The following PRKAR1B variants were observed in gnomAD, a reference collection of about 807,000 sequenced individuals.
The protein encoded by PRKAR1B is cAMP-dependent protein kinase type I-beta regulatory subunit.
In PRKAR1B, 22 loss-of-function variants were observed where a neutral mutation model predicts 46.5. The observed-to-expected ratio is 0.47, with a 90% CI of 0.34 to 0.68. The LOEUF is 0.68. Among genes scored for constraint, PRKAR1B ranks in the 30% least tolerant of loss-of-function variants. The pLI, the probability that PRKAR1B is intolerant of heterozygous loss-of-function variation, is 0.01. For synonymous variants in PRKAR1B, 259 were observed against 217.7 expected, an observed-to-expected ratio of 1.19 and a Z score of -1.67; for missense variants, 445 against 535.6, an observed-to-expected ratio of 0.83 and a Z score of 1.67.
chr7:727,029 C>A lies in PRKAR1B; in HGVS notation c.-23+181G>T, dbSNP rs997734153. On this transcript the variant is annotated intron_variant, in intron 1 of 10. Transcript: ENST00000537384. ...TGGCAGTGCACCTGCTGGATCTGGG[C>A]CTGCGCCGCGCCGCGCGGCCCCGCG... is the stretch of plus-strand genomic sequence containing the variant. 3 of 1,150,054 alleles carry A rather than the reference C, an allele frequency of 2.6e-6. No individual in the cohort carries two copies. Among genetic ancestry groups the A allele is most frequent in the East Asian group, 8.5e-5 (2 of 23,464 alleles). 71.2% of individuals were successfully genotyped at this position (1,150,054 alleles called of 1,614,324 possible). A position where few individuals can be genotyped will look rare whatever the true frequency, so the allele number is the denominator to read the frequency against.
chr7:574,069 T>C (rs1779687164), intron 9 of PRKAR1B, among the ~76,000 whole-genome samples: 1 of 152,246 alleles, frequency 6.6e-6, no homozygotes, highest in African/African-American at 2.4e-5. Flanking sequence ...GCGGCCTTGA[T>C]CTGCTCTCTG....
At chr7:631,123 G>C (rs1783713348) in intron 4 of PRKAR1B, among the ~76,000 whole-genome samples, 1 of 151,992 alleles carries the variant, frequency 6.6e-6, no homozygotes, top group African/African-American at 2.4e-5. Context: ...GGTAATTTTT[G>C]TATTTTTAGT....
rs1360668945 is a variant in PRKAR1B at position 613,502 on chromosome 7, G to C, written c.441-6050C>G. Among the ~76,000 whole-genome samples, 9 of 152,326 alleles carry C rather than the reference G, an allele frequency of 5.9e-5. No individual in the cohort carries two copies. The East Asian group carries it at 1.7e-3, about 29-fold the overall frequency. On this transcript the variant is annotated intron_variant, in intron 4 of 10. Transcript: ENST00000537384. ...ACGTCTGAGGAAGCGTACGGGATCA[G>C]AACCAGCAGCTCCGTTCACAGCCAA...
chr7:684,857 C>T (rs575499507), intron 2 of PRKAR1B, among the ~76,000 whole-genome samples: 6 of 149,594 alleles, frequency 4.0e-5, no homozygotes, highest in South Asian at 2.2e-4. Context: ...TTCATTTCAC[C>T]TCCACCCACT....
chr7:684,697 G>A lies in PRKAR1B; in HGVS notation c.178-3971C>T, dbSNP rs553570521. Among the ~76,000 whole-genome samples the A allele has an allele frequency of 1.5e-4, 23 of 152,290 alleles. No homozygotes were observed. The East Asian group carries it at 3.9e-3, about 26-fold the overall frequency. The stretch of plus-strand genomic sequence containing the variant: ...CCTGGGAGCCAGGCAGCCCCCCAAG[G>A]CCAGGAGCCCAGGTGTCCTGTGGCT... On this transcript the variant is annotated intron_variant, in intron 2 of 10. Coordinates refer to ENST00000537384, the MANE Select transcript of PRKAR1B (RefSeq NM_001164760.2).
chr7:653,255 AG>A (rs1424751919), intron 4 of PRKAR1B, among the ~76,000 whole-genome samples: 1 of 152,160 alleles, frequency 6.6e-6, no homozygotes, highest in Non-Finnish European at 1.5e-5. Flanking sequence ...AGTACACCAT[AG>A]GGAACCTTGG....
At chr7:566,191 CA>C (rs1779119580) in intron 9 of PRKAR1B, among the ~76,000 whole-genome samples, 1 of 63,990 alleles carries the variant, frequency 1.6e-5, no homozygotes, top group South Asian at 3.5e-4. Flanking sequence ...ACCATAACCA[CA>C]ACCACCATGG....
In PRKAR1B at chr7:549,343, C is replaced by G. The variant is rs1024552264; in HGVS notation, c.*1087G>C. 6.6e-6 allele frequency: 1 copy of G among 152,236 alleles called. No individual in the cohort carries two copies. The highest frequency in any genetic ancestry group is 1.5e-5 in the Non-Finnish European group (1 of 68,102). 9.4% of individuals were successfully genotyped at this position (152,236 alleles called of 1,614,324 possible). ...GGGTGGGGAGGGGGACCCCACGCAT[C>G]GTAACCGCCAGCAGGGGAGGGGCTG... On this transcript the variant is annotated 3_prime_UTR_variant, in exon 11 of 11. Coordinates refer to ENST00000537384, the MANE Select transcript of PRKAR1B (RefSeq NM_001164760.2).
chr7:606,767 C>CGTGTGTGTGTGTGT (rs71546453), intron 5 of PRKAR1B, among the ~76,000 whole-genome samples: 4 of 148,280 alleles, frequency 2.7e-5, no homozygotes, highest in Admixed American at 6.7e-5. Flanking sequence ...GAATTTTATG[C>CGTGTGTGTGTGTGT]GTGTGTGTGT....
chr7:583,067 AG>A (rs1329483593), intron 8 of PRKAR1B, among the ~76,000 whole-genome samples: 2 of 151,480 alleles, frequency 1.3e-5, no homozygotes, highest in South Asian at 2.1e-4. Flanking sequence ...CCGGGAGGGC[AG>A]GGGGGGTGAC....
chr7:637,392 G>A (rs371996275), intron 4 of PRKAR1B, among the ~76,000 whole-genome samples: 2 of 152,112 alleles, frequency 1.3e-5, no homozygotes, highest in Non-Finnish European at 1.5e-5. Context: ...ACTCCAGCCT[G>A]GGTGAAGGAG....
upstream of PRKAR1B, among the ~76,000 whole-genome samples, chr7:728,047 C>A (rs1562370660): frequency 6.6e-6 from 1 of 152,128 alleles, no homozygotes; most frequent in Non-Finnish European, 1.5e-5. Context: ...CCCTGCCTTT[C>A]CGCTCTGGCT....
chr7:594,066 G>C (rs1208514182), intron 7 of PRKAR1B, among the ~76,000 whole-genome samples: 1 of 152,120 alleles, frequency 6.6e-6, no homozygotes, highest in African/African-American at 2.4e-5. Flanking sequence ...GGAAACCCAG[G>C]GTTGAACTTG....
chr7:559,111 A>G (rs9330360), intron 9 of PRKAR1B, among the ~76,000 whole-genome samples: 80,181 of 152,132 alleles, frequency 0.53, 21,306 homozygotes, highest in Admixed American at 0.61. Context: ...CATTAGGGCT[A>G]GGACTACGGC....
chr7:628,367 A>C (rs1485713753), intron 4 of PRKAR1B, among the ~76,000 whole-genome samples: 1 of 152,196 alleles, frequency 6.6e-6, no homozygotes, highest in African/African-American at 2.4e-5. Context: ...CCAACAGCCA[A>C]GGCATGCTTA....
intron 4 of PRKAR1B, among the ~76,000 whole-genome samples, chr7:610,404 G>A (rs1782413832): frequency 6.6e-6 from 1 of 152,200 alleles, no homozygotes; most frequent in African/African-American, 2.4e-5. Flanking sequence ...CCTCTTAAAT[G>A]AGCCTCACTG....
At chr7:573,286 A>G (rs9286356) in intron 9 of PRKAR1B, among the ~76,000 whole-genome samples, 110,013 of 152,146 alleles carry the variant, frequency 0.72, 41,348 homozygotes, top group African/African-American at 0.93. Context: ...GTCCCGGAGG[A>G]CGTGCAAGGC....
At chr7:586,040 C>A (rs932418513) in intron 7 of PRKAR1B, among the ~76,000 whole-genome samples, 187 of 152,268 alleles carry the variant, frequency 1.2e-3, no homozygotes, top group African/African-American at 4.4e-3. Flanking sequence ...CCTCCCCTCT[C>A]CTCCTTCCTG....
At chr7:581,302 C>CAAA (rs758386135) in intron 8 of PRKAR1B, among the ~76,000 whole-genome samples, 11 of 103,118 alleles carry the variant, frequency 1.1e-4, no homozygotes, top group African/African-American at 2.1e-4. Context: ...CACTCTGTCT[C>CAAA]AAAAAAAAAA....
Sources: allele counts gnomAD v4.1 joint callset (sites outside exome capture counted in the v4.1 genomes callset), GRCh38; gene constraint gnomAD v4.1.1; transcripts MANE v1.5; gene names NCBI Gene and HGNC (gene_info 2026-07-23, HGNC 2026-07-21).